DCHS2: variants seen among roughly 807,000 people sequenced by gnomAD.
DCHS2 encodes the protein dachsous cadherin-related 2.
In DCHS2, 142 loss-of-function variants were observed where a neutral mutation model predicts 182.4. The observed-to-expected ratio is 0.78, with a 90% CI of 0.68 to 0.89. DCHS2 has a LOEUF of 0.89. DCHS2 is among the 40% of genes least tolerant of loss of function. The pLI, the probability that DCHS2 is intolerant of heterozygous loss-of-function variation, is 0.00. For synonymous variants in DCHS2, 1,740 were observed against 1,663.3 expected, an observed-to-expected ratio of 1.05 and a Z score of -1.12; for missense variants, 4,319 against 4,198.6, an observed-to-expected ratio of 1.03 and a Z score of -0.79.
intron 1 of DCHS2, among the ~76,000 whole-genome samples, chr4:154,421,166 C>T (rs551488671): frequency 9.9e-5 from 15 of 152,192 alleles, no homozygotes; most frequent in African/African-American, 3.6e-4. Flanking sequence ...ACTTTAGCTA[C>T]ATAGAGGACT....
intron 16 of DCHS2, among the ~76,000 whole-genome samples, chr4:154,246,174 T>C (rs1456255311): frequency 3.9e-5 from 6 of 152,080 alleles, no homozygotes; most frequent in Admixed American, 2.6e-4. Flanking sequence ...GAGATAAAAA[T>C]AGGAAGAATA....
intron 1 of DCHS2, among the ~76,000 whole-genome samples, chr4:154,473,506 G>A (rs1735559116): frequency 1.4e-5 from 1 of 71,156 alleles, no homozygotes; most frequent in African/African-American, 3.7e-5. Flanking sequence ...GTGACATATG[G>A]AAATGTTTTT....
intron 10 of DCHS2, among the ~76,000 whole-genome samples, chr4:154,314,242 T>G (rs1735769453): frequency 6.6e-6 from 1 of 152,200 alleles, no homozygotes; most frequent in East Asian, 1.9e-4. Flanking sequence ...GTTTTTGCAT[T>G]GCTCAGCACC....
intron 1 of DCHS2, among the ~76,000 whole-genome samples, chr4:154,424,881 G>A (rs1472596421): frequency 4.6e-5 from 7 of 152,328 alleles, no homozygotes; most frequent in South Asian, 4.1e-4. Flanking sequence ...TCCAGCTACA[G>A]AGACCCTTCC....
At chr4:154,387,875 C>A (rs947551507) in intron 1 of DCHS2, among the ~76,000 whole-genome samples, 1 of 151,844 alleles carries the variant, frequency 6.6e-6, no homozygotes, top group African/African-American at 2.4e-5. Flanking sequence ...CATGAACAGA[C>A]AATTCATAGA....
intron 13 of DCHS2, among the ~76,000 whole-genome samples, chr4:154,293,342 G>A (rs934277659): frequency 4.6e-5 from 7 of 151,984 alleles, no homozygotes; most frequent in African/African-American, 7.3e-5. Flanking sequence ...CAGCATGCCC[G>A]GCTAATTATT....
chr4:154,268,890 T>A (rs1733427614), intron 14 of DCHS2, among the ~76,000 whole-genome samples: 1 of 152,114 alleles, frequency 6.6e-6, no homozygotes, highest in African/African-American at 2.4e-5. Flanking sequence ...CTGGGCCATG[T>A]TAGGAGTGCG....
chr4:154,321,337 A>T, intron 8 of DCHS2, 115 bp from the exon 9 acceptor site: 1 of 1,131,900 alleles, frequency 8.8e-7, no homozygotes, highest in East Asian at 2.9e-5. Flanking sequence ...ATCATATGTT[A>T]ATTAGTGAGA....
chr4:154,364,888 A>G (rs1051918219), intron 3 of DCHS2, among the ~76,000 whole-genome samples: 3 of 152,212 alleles, frequency 2.0e-5, no homozygotes, highest in African/African-American at 7.2e-5. Flanking sequence ...GATCAGGTGG[A>G]AAAATGCAAA....
intron 5 of DCHS2, chr4:154,331,606 G>T: frequency 1.2e-6 from 2 of 1,613,156 alleles, no homozygotes; most frequent in South Asian, 1.1e-5. Flanking sequence ...ACAGAACAGA[G>T]ACTTGAGAAC....
At chr4:154,441,784 T>TA (rs1439444161) in intron 1 of DCHS2, among the ~76,000 whole-genome samples, 1 of 152,128 alleles carries the variant, frequency 6.6e-6, no homozygotes, top group African/African-American at 2.4e-5. Flanking sequence ...TCTTGTTTTA[T>TA]AAAAACAGCT....
intron 1 of DCHS2, among the ~76,000 whole-genome samples, chr4:154,477,146 C>A (rs1181808357): frequency 2.0e-5 from 3 of 152,202 alleles, no homozygotes; most frequent in Non-Finnish European, 4.4e-5. Flanking sequence ...AAAGTCCAAA[C>A]TCAAAGTGCC....
At position 154,489,902 on chromosome 4, in the gene DCHS2, G is replaced by A; in HGVS notation, c.1454C>T (p.Pro485Leu). ...EGDFALLPGG[P>L]PGVFFLCVEG... The stretch of plus-strand genomic sequence containing the variant: ...CACGCAAAGGAAAAATACCCCTGGG[G>A]GGCCGCCGGGTAGCAACGCGAAGTC... Residue 485 changes from proline (P) to leucine (L), a missense_variant, in exon 1 of 20, where the codon CCC (proline) becomes CTC (leucine). Transcript: ENST00000357232. 1 of 1,539,552 alleles carries A rather than the reference G, an allele frequency of 6.5e-7. No individual in the cohort carries two copies. The highest frequency in any genetic ancestry group is 8.8e-7 in the Non-Finnish European group (1 of 1,139,600).
chr4:154,310,688 C>T (rs1735642093), intron 10 of DCHS2, among the ~76,000 whole-genome samples: 1 of 152,146 alleles, frequency 6.6e-6, no homozygotes, highest in Admixed American at 6.5e-5. Context: ...TGAGAAGCAA[C>T]ATTTGATACT....
At chr4:154,245,338 A>G (rs1732023308) in intron 16 of DCHS2, among the ~76,000 whole-genome samples, 1 of 152,190 alleles carries the variant, frequency 6.6e-6, no homozygotes, top group South Asian at 2.1e-4. Context: ...GATTTAGAAC[A>G]GGCCCATTCT....
At chr4:154,269,863 C>G (rs771452886) in intron 14 of DCHS2, 37 bp downstream of exon 14, 3 of 1,585,002 alleles carry the variant, frequency 1.9e-6, no homozygotes, top group Non-Finnish European at 2.6e-6. Context: ...TTAAATGGAG[C>G]AGAAAATAAA....
chr4:154,341,772 C>T (rs1297385364), intron 3 of DCHS2, among the ~76,000 whole-genome samples: 16 of 152,140 alleles, frequency 1.1e-4, no homozygotes, highest in Admixed American at 9.8e-4. Flanking sequence ...GTTTTCTGTG[C>T]GTATCCATAG....
At chr4:154,368,718 C>T (rs1167319777) in intron 2 of DCHS2, among the ~76,000 whole-genome samples, 3 of 152,004 alleles carry the variant, frequency 2.0e-5, no homozygotes, top group South Asian at 4.1e-4. Context: ...CGACTGGTCT[C>T]GAACTCCTGA....
At chr4:154,377,481 T>G in intron 1 of DCHS2, 37 bp from the exon 2 acceptor site, 1 of 1,538,476 alleles carries the variant, frequency 6.5e-7, no homozygotes, top group African/African-American at 1.4e-5. Context: ...GAAACAGAAA[T>G]GCTAGCATTA....
Sources: gnomAD v4.1 joint callset for allele counts (sites outside exome capture counted in the v4.1 genomes callset) on GRCh38, gnomAD v4.1.1 for gene constraint, MANE v1.5 for transcripts, NCBI Gene and HGNC (gene_info 2026-07-23, HGNC 2026-07-21) for gene names.